Variants in SLC24A4 observed in about 807,000 individuals in gnomAD.
SLC24A4 encodes sodium/potassium/calcium exchanger 4.
SLC24A4 carries 53 observed loss-of-function variants against 79.0 expected under a neutral mutation model. The observed-to-expected ratio is 0.67, with a 90% CI of 0.54 to 0.84. SLC24A4 has a LOEUF of 0.84. SLC24A4 is among the 40% of genes least tolerant of loss of function. SLC24A4 has a pLI of 0.00. For synonymous variants in SLC24A4, 323 were observed against 323.8 expected (o/e 1.00, Z 0.03); for missense variants, 731 against 822.0 (o/e 0.89, Z 1.35).
At chr14:92,462,783 G>T (rs1231229218) in intron 12 of SLC24A4, 1 of 152,280 alleles carries the variant, frequency 6.6e-6, no homozygotes, top group African/African-American at 2.4e-5. Flanking sequence ...CATTTCACAG[G>T]TGAAGAAACT....
intron 2 of SLC24A4, among the ~76,000 whole-genome samples, chr14:92,410,078 GT>G (rs1374949870): frequency 7.9e-5 from 12 of 152,144 alleles, no homozygotes; most frequent in African/African-American, 2.7e-4. Context: ...TAACTATTGG[GT>G]ACTAGGCTTA....
At chr14:92,331,937 A>G (rs1259126566) in intron 2 of SLC24A4, among the ~76,000 whole-genome samples, 1 of 152,160 alleles carries the variant, frequency 6.6e-6, no homozygotes, top group Non-Finnish European at 1.5e-5. Flanking sequence ...AGCTTACTCT[A>G]TGTAAGAATA....
intron 12 of SLC24A4, among the ~76,000 whole-genome samples, chr14:92,466,386 G>GAA: frequency 6.6e-6 from 1 of 152,242 alleles, no homozygotes; most frequent in African/African-American, 2.4e-5. Context: ...TTATAGATGA[G>GAA]AAAACTGAGA....
At chr14:92,404,529 C>T (rs555197061) in intron 2 of SLC24A4, among the ~76,000 whole-genome samples, 6 of 152,312 alleles carry the variant, frequency 3.9e-5, no homozygotes, top group Middle Eastern at 3.4e-3. Flanking sequence ...TCCTTTTCTC[C>T]AACACAGCAG....
intron 12 of SLC24A4, among the ~76,000 whole-genome samples, chr14:92,476,421 A>G (rs1894767379): frequency 6.6e-6 from 1 of 152,020 alleles, no homozygotes; most frequent in South Asian, 2.1e-4. Context: ...AGCTAACCAT[A>G]TTCTCTTGGC....
At chr14:92,346,214 C>G (rs1201570554) in intron 2 of SLC24A4, among the ~76,000 whole-genome samples, 1 of 152,192 alleles carries the variant, frequency 6.6e-6, no homozygotes, top group Admixed American at 6.5e-5. Flanking sequence ...TTGACCCACT[C>G]TGCTTTCATG....
chr14:92,442,626 C>T (rs569084958), intron 5 of SLC24A4, 87 bp from the exon 6 acceptor site: 10 of 940,892 alleles, frequency 1.1e-5, no homozygotes, highest in Middle Eastern at 2.2e-4. Flanking sequence ...GTAAAGCAAC[C>T]CACTTTCCTG....
intron 2 of SLC24A4, among the ~76,000 whole-genome samples, chr14:92,412,748 G>A (rs1326634574): frequency 6.6e-6 from 1 of 152,076 alleles, no homozygotes. Flanking sequence ...TCTACCTGAG[G>A]CTTCTGTCCT....
intron 2 of SLC24A4, among the ~76,000 whole-genome samples, chr14:92,365,529 G>C (rs911156725): frequency 6.6e-6 from 1 of 152,226 alleles, no homozygotes; most frequent in Non-Finnish European, 1.5e-5. Context: ...ACCAGGAGGA[G>C]CCCCGGGTGC....
In SLC24A4 at chr14:92,500,545, T is replaced by C. The variant is rs370976426; in HGVS notation, c.*6917T>C. The C allele has an allele frequency of 2.0e-5, 3 of 152,308 alleles. No homozygotes were observed. The highest frequency in any genetic ancestry group is 7.2e-5 in the African/African-American group (3 of 41,470). The allele number at this position is 152,308 out of a possible 1,614,324, so 9.4% of individuals were successfully genotyped here. A position where few individuals can be genotyped will look rare whatever the true frequency, so the allele number is the denominator to read the frequency against. On this transcript the variant is annotated 3_prime_UTR_variant, in exon 17 of 17. Transcript: ENST00000532405. Reference sequence around the variant, plus strand: ...GTGAGTTTTTTCTGGCCACTGGGCATCTCTGCCCTCACTTTTCATCCCTGC... The same window carrying C: ...GTGAGTTTTTTCTGGCCACTGGGCACCTCTGCCCTCACTTTTCATCCCTGC...
At chr14:92,482,887 G>C in intron 13 of SLC24A4, 41 bp downstream of exon 13, 1 of 1,570,940 alleles carries the variant, frequency 6.4e-7, no homozygotes, top group Non-Finnish European at 8.7e-7. Flanking sequence ...TGCACAGCCA[G>C]GGAGAGGTGG....
intron 12 of SLC24A4, among the ~76,000 whole-genome samples, chr14:92,474,843 G>GTGTGTATATATATATATATA (rs779007741): frequency 2.1e-4 from 5 of 23,882 alleles, no homozygotes; most frequent in East Asian, 6.8e-4. Flanking sequence ...GTGTGTGTGT[G>GTGTGTATATATATATATATA]TATATATATA....
chr14:92,491,518 G>A, intron 14 of SLC24A4, 147 bp from the exon 15 acceptor site: 1 of 619,602 alleles, frequency 1.6e-6, no homozygotes, highest in South Asian at 1.9e-5. Flanking sequence ...GCATGGATCT[G>A]AGGCCTTATG....
At chr14:92,324,010 TG>T (rs1303915763) in intron 1 of SLC24A4, 50 bp downstream of exon 1, 17 of 1,584,512 alleles carry the variant, frequency 1.1e-5, no homozygotes, top group Non-Finnish European at 1.5e-5. Context: ...GGGCTTTGGC[TG>T]GGGAGTCTCG....
chr14:92,328,887 G>A (rs1005733994), intron 2 of SLC24A4, among the ~76,000 whole-genome samples: 1 of 152,360 alleles, frequency 6.6e-6, no homozygotes, highest in Admixed American at 6.5e-5. Context: ...CCTGGGAATC[G>A]GCGAGGTTGG....
intron 2 of SLC24A4, among the ~76,000 whole-genome samples, chr14:92,326,357 T>G (rs1885132265): frequency 6.6e-6 from 1 of 152,190 alleles, no homozygotes; most frequent in African/African-American, 2.4e-5. Context: ...CAGATCCAGC[T>G]GCTGTGGCAA....
chr14:92,440,259 C>T (rs1375149662), intron 4 of SLC24A4, among the ~76,000 whole-genome samples: 3 of 152,180 alleles, frequency 2.0e-5, no homozygotes, highest in African/African-American at 4.8e-5. Flanking sequence ...CCTTACCCCA[C>T]ATCCCCTCAG....
intron 3 of SLC24A4, among the ~76,000 whole-genome samples, chr14:92,438,078 C>G (rs558296521): frequency 2.0e-5 from 3 of 152,136 alleles, no homozygotes; most frequent in Non-Finnish European, 2.9e-5. Context: ...GTTCTGACAC[C>G]GTACCTAGAG....
Position 92,501,239 on chromosome 14 carries a change from C to A in SLC24A4, c.*7611C>A, listed in dbSNP as rs1171350526. 1 of 152,134 alleles carries A rather than the reference C, an allele frequency of 6.6e-6. No homozygotes were observed. Among genetic ancestry groups the A allele is most frequent in the Non-Finnish European group, 1.5e-5 (1 of 68,026 alleles). The allele number at this position is 152,134 out of a possible 1,614,324, so 9.4% of individuals were successfully genotyped here. On this transcript the variant is annotated 3_prime_UTR_variant, in exon 17 of 17. Transcript: ENST00000532405. ...ATATTTATCCCGCTATTTATTTTTT[C>A]AATAACTGTGACCTCCTGCACTGTG... is the stretch of plus-strand genomic sequence containing the variant.
Sources: gnomAD v4.1 joint callset for allele counts (sites outside exome capture counted in the v4.1 genomes callset) on GRCh38, gnomAD v4.1.1 for gene constraint, MANE v1.5 for transcripts, NCBI Gene and HGNC (gene_info 2026-07-23, HGNC 2026-07-21) for gene names.